Variants in PLCB1 observed in about 807,000 individuals in gnomAD.
PLCB1 encodes the protein phospholipase C beta 1.
PLCB1 carries 46 observed loss-of-function variants against 161.8 expected under a neutral mutation model. That is an observed-to-expected ratio of 0.28 (90% CI 0.22 to 0.36). The LOEUF is 0.36. Among genes scored for constraint, PLCB1 ranks in the 10% least tolerant of loss-of-function variants. The pLI, the probability that PLCB1 is intolerant of heterozygous loss-of-function variation, is 1.00. For missense variants in PLCB1, 1,016 were observed against 1,472.5 expected, an observed-to-expected ratio of 0.69 and a Z score of 5.07; for synonymous variants, 517 against 503.7, an observed-to-expected ratio of 1.03 and a Z score of -0.35.
intron 9 of PLCB1, among the ~76,000 whole-genome samples, chr20:8,674,394 G>C (rs1266392723): frequency 6.6e-6 from 1 of 152,214 alleles, no homozygotes; most frequent in Non-Finnish European, 1.5e-5. Flanking sequence ...ATAACCTAGA[G>C]TGGTGGCTAA....
intron 23 of PLCB1, among the ~76,000 whole-genome samples, chr20:8,756,039 G>T (rs1981718792): frequency 6.6e-6 from 1 of 152,174 alleles, no homozygotes; most frequent in South Asian, 2.1e-4. Flanking sequence ...ATTTATGAGT[G>T]AGAACCTTCT....
At chr20:8,720,859 A>T (rs6039244) in intron 14 of PLCB1, among the ~76,000 whole-genome samples, 33,192 of 142,908 alleles carry the variant, frequency 0.23, 3,750 homozygotes, top group East Asian at 0.29. Context: ...TTTTTTTTTT[A>T]AAAAAAAAAG....
chr20:8,833,374 A>G (rs1986107308), intron 31 of PLCB1, among the ~76,000 whole-genome samples: 1 of 152,222 alleles, frequency 6.6e-6, no homozygotes, highest in Non-Finnish European at 1.5e-5. Flanking sequence ...TCATGAGAAC[A>G]GCACAGGAAA....
chr20:8,539,993 C>T (rs985817895), intron 3 of PLCB1, among the ~76,000 whole-genome samples: 1 of 151,914 alleles, frequency 6.6e-6, no homozygotes, highest in African/African-American at 2.4e-5. Flanking sequence ...CAGCATTAGC[C>T]CAGAGGCTGG....
intron 27 of PLCB1, among the ~76,000 whole-genome samples, chr20:8,777,177 G>A (rs1982983571): frequency 6.6e-6 from 1 of 152,110 alleles, no homozygotes; most frequent in Non-Finnish European, 1.5e-5. Flanking sequence ...GGGGTCTTTA[G>A]GCCTCTGTGT....
chr20:8,819,728 T>A (rs1985247390), intron 31 of PLCB1, among the ~76,000 whole-genome samples: 1 of 152,012 alleles, frequency 6.6e-6, no homozygotes, highest in African/African-American at 2.4e-5. Context: ...AGTCTCAAAT[T>A]GATTTCCAGA....
intron 1 of PLCB1, among the ~76,000 whole-genome samples, chr20:8,149,955 G>A (rs1323708106): frequency 1.3e-5 from 2 of 151,998 alleles, no homozygotes; most frequent in African/African-American, 4.8e-5. Context: ...ATGGATTTTA[G>A]TTAATATTAA....
intron 31 of PLCB1, among the ~76,000 whole-genome samples, chr20:8,823,288 A>C (rs1985525950): frequency 6.6e-6 from 1 of 152,032 alleles, no homozygotes; most frequent in Non-Finnish European, 1.5e-5. Flanking sequence ...GCGCCCAGCT[A>C]ATTTTCGTGT....
intron 3 of PLCB1, among the ~76,000 whole-genome samples, chr20:8,373,523 T>C (rs1289339899): frequency 6.6e-6 from 1 of 152,212 alleles, no homozygotes; most frequent in African/African-American, 2.4e-5. Flanking sequence ...CTGATGTGTG[T>C]TTTCCGCCTC....
chr20:8,425,993 C>T (rs1428089482), intron 3 of PLCB1, among the ~76,000 whole-genome samples: 2 of 152,184 alleles, frequency 1.3e-5, no homozygotes, highest in Non-Finnish European at 1.5e-5. Context: ...TTAAGCTCAC[C>T]CCTCTTTCAC....
chr20:8,431,885 G>A (rs1423109624), intron 3 of PLCB1, among the ~76,000 whole-genome samples: 1 of 152,136 alleles, frequency 6.6e-6, no homozygotes, highest in African/African-American at 2.4e-5. Flanking sequence ...AGATTAGGTG[G>A]CTTAAACAAC....
Position 8,511,707 on chromosome 20 carries a change from T to C in PLCB1, c.247-116587T>C, listed in dbSNP as rs200395994. 5.9e-5 allele frequency among the ~76,000 whole-genome samples: 9 copies of C among 152,324 alleles called. No individual in the cohort carries two copies. In the East Asian group the frequency reaches 1.3e-3, roughly 23 times the overall value. On this transcript the variant is annotated intron_variant, in intron 3 of 31. Coordinates refer to ENST00000338037, the MANE Select transcript of PLCB1 (RefSeq NM_015192.4). Reference sequence around the variant, plus strand: ...TCGTTATCTTTTGTCTTTTTGATGATAGCCATTCTAACAGGTATGAGCTGA... The same window carrying C: ...TCGTTATCTTTTGTCTTTTTGATGACAGCCATTCTAACAGGTATGAGCTGA...
At chr20:8,812,892 T>A (rs1276663223) in intron 31 of PLCB1, among the ~76,000 whole-genome samples, 1 of 152,266 alleles carries the variant, frequency 6.6e-6, no homozygotes, top group Non-Finnish European at 1.5e-5. Context: ...CTTCCCTTCC[T>A]GTCATGGGAA....
intron 7 of PLCB1, chr20:8,649,656 C>G: frequency 1.8e-6 from 1 of 544,078 alleles, no homozygotes; most frequent in Non-Finnish European, 3.3e-6. Flanking sequence ...CCTGAGCTAG[C>G]ATGTTCTTCC....
intron 9 of PLCB1, among the ~76,000 whole-genome samples, chr20:8,684,296 G>T (rs913422810): frequency 2.1e-5 from 3 of 146,050 alleles, no homozygotes; most frequent in African/African-American, 7.6e-5. Flanking sequence ...TCGCTCTGTC[G>T]CCCAGGCTGG....
chr20:8,367,671 A>G (rs1367928243), intron 2 of PLCB1, among the ~76,000 whole-genome samples: 1 of 152,204 alleles, frequency 6.6e-6, no homozygotes, highest in African/African-American at 2.4e-5. Context: ...GAATTCCACA[A>G]AGCTGGAAAA....
At chr20:8,459,147 G>A (rs960462999) in intron 3 of PLCB1, among the ~76,000 whole-genome samples, 12 of 152,070 alleles carry the variant, frequency 7.9e-5, no homozygotes, top group African/African-American at 2.7e-4. Context: ...AACATGAACC[G>A]AGAAACACTT....
At chr20:8,330,051 C>T (rs1985306086) in intron 2 of PLCB1, among the ~76,000 whole-genome samples, 1 of 152,044 alleles carries the variant, frequency 6.6e-6, no homozygotes, top group African/African-American at 2.4e-5. Context: ...TTTCCTCGGG[C>T]AAAAACCACT....
intron 31 of PLCB1, among the ~76,000 whole-genome samples, chr20:8,815,507 A>G (rs1985043439): frequency 6.6e-6 from 1 of 152,214 alleles, no homozygotes; most frequent in Non-Finnish European, 1.5e-5. Flanking sequence ...CAATTTCACA[A>G]AATTACATAG....
Sources: allele counts gnomAD v4.1 joint callset (sites outside exome capture counted in the v4.1 genomes callset), GRCh38; gene constraint gnomAD v4.1.1; transcripts MANE v1.5; gene names NCBI Gene and HGNC (gene_info 2026-07-23, HGNC 2026-07-21).